KCNQ5: variants seen among roughly 807,000 people sequenced by gnomAD.
The protein encoded by KCNQ5 is potassium voltage-gated channel subfamily Q member 5.
Under a neutral mutation model 98.2 loss-of-function variants are expected in KCNQ5, and 30 were observed. The ratio of observed to expected loss-of-function variants is 0.31; its 90% CI spans 0.23 to 0.41. The LOEUF (loss-of-function observed/expected upper bound fraction) is 0.41. Among genes scored for constraint, KCNQ5 ranks in the 10% least tolerant of loss-of-function variants. The probability of loss-of-function intolerance (pLI) is 1.00; values close to 1 mark genes in which losing one functional copy is unlikely to be tolerated. For missense variants in KCNQ5, 835 were observed against 1,182.5 expected (o/e 0.71, Z 4.31); for synonymous variants, 458 against 449.4 (o/e 1.02, Z -0.24).
At chr6:72,987,289 T>G in intron 1 of KCNQ5, 1 of 692,710 alleles carries the variant, frequency 1.4e-6, no homozygotes, top group Non-Finnish European at 2.8e-6. Flanking sequence ...GACTTAGAGG[T>G]GGTGTTGGAA....
intron 1 of KCNQ5, among the ~76,000 whole-genome samples, chr6:72,808,893 A>G (rs1775087510): frequency 6.6e-6 from 1 of 152,058 alleles, no homozygotes; most frequent in South Asian, 2.1e-4. Flanking sequence ...ATTACTGGGT[A>G]TATACCCAAA....
chr6:72,760,003 A>T (rs1034584015), intron 1 of KCNQ5, among the ~76,000 whole-genome samples: 2 of 152,096 alleles, frequency 1.3e-5, no homozygotes, highest in Admixed American at 6.6e-5. Context: ...GGGTGAAGGG[A>T]CAAGGAGAAG....
At chr6:73,175,274 C>A (rs1305118061) in intron 11 of KCNQ5, among the ~76,000 whole-genome samples, 1 of 152,138 alleles carries the variant, frequency 6.6e-6, no homozygotes, top group Non-Finnish European at 1.5e-5. Context: ...CCTCCGCCTC[C>A]TGAGTAGCTG....
intron 2 of KCNQ5, among the ~76,000 whole-genome samples, chr6:73,040,139 T>A: frequency 6.6e-6 from 1 of 152,162 alleles, no homozygotes; most frequent in East Asian, 1.9e-4. Context: ...GACCTTGGCA[T>A]ACCTAAGAAC....
intron 1 of KCNQ5, among the ~76,000 whole-genome samples, chr6:72,725,796 A>G (rs1770232531): frequency 6.6e-6 from 1 of 152,196 alleles, no homozygotes; most frequent in Non-Finnish European, 1.5e-5. Context: ...AATATATATA[A>G]TTATTACTTG....
chr6:73,113,554 G>C (rs1300437271), intron 7 of KCNQ5, among the ~76,000 whole-genome samples: 2 of 152,234 alleles, frequency 1.3e-5, no homozygotes, highest in Non-Finnish European at 2.9e-5. Context: ...GTGTTCAATA[G>C]CTACAGGTGG....
At chr6:72,853,287 C>T (rs573610919) in intron 1 of KCNQ5, among the ~76,000 whole-genome samples, 9 of 152,176 alleles carry the variant, frequency 5.9e-5, no homozygotes, top group East Asian at 1.9e-4. Flanking sequence ...ATTCTAAGCC[C>T]TCTTTCTAAA....
intron 1 of KCNQ5, among the ~76,000 whole-genome samples, chr6:72,703,826 A>G (rs868226403): frequency 1.1e-4 from 17 of 152,226 alleles, no homozygotes; most frequent in African/African-American, 3.4e-4. Context: ...GGATGAAGAC[A>G]TTTGATATAT....
chr6:72,724,506 GGTAATTGCAGTGGTT>G (rs1293016748), intron 1 of KCNQ5, among the ~76,000 whole-genome samples: 2 of 152,144 alleles, frequency 1.3e-5, no homozygotes, highest in Non-Finnish European at 2.9e-5. Context: ...ACATAAAAGG[GGTAATTGCAGTGGTT>G]GTAAGCTCCC....
intron 10 of KCNQ5, among the ~76,000 whole-genome samples, chr6:73,164,591 A>G (rs559382082): frequency 4.6e-5 from 7 of 152,310 alleles, no homozygotes; most frequent in Admixed American, 4.6e-4. Flanking sequence ...AATGTCTTGT[A>G]ATCATCTGGG....
chr6:73,154,360 A>G (rs951450089), intron 10 of KCNQ5, among the ~76,000 whole-genome samples: 4 of 152,200 alleles, frequency 2.6e-5, no homozygotes, highest in Non-Finnish European at 5.9e-5. Flanking sequence ...CCAGCAATAT[A>G]AAGTATTGGG....
chr6:72,889,006 ATAAG>A (rs1369908868), intron 1 of KCNQ5, among the ~76,000 whole-genome samples: 3 of 152,136 alleles, frequency 2.0e-5, no homozygotes, highest in Non-Finnish European at 2.9e-5. Context: ...AACATTCCAC[ATAAG>A]TAAGTTATAT....
intron 1 of KCNQ5, among the ~76,000 whole-genome samples, chr6:72,817,478 C>T (rs1326460709): frequency 6.6e-6 from 1 of 152,186 alleles, no homozygotes; most frequent in African/African-American, 2.4e-5. Flanking sequence ...AGGAATACTA[C>T]TTCAGAAAAA....
intron 1 of KCNQ5, among the ~76,000 whole-genome samples, chr6:72,788,526 T>G (rs1432718315): frequency 2.0e-5 from 3 of 152,246 alleles, no homozygotes; most frequent in Non-Finnish European, 4.4e-5. Context: ...GCCTGAATTG[T>G]TTATAGTTAA....
intron 1 of KCNQ5, among the ~76,000 whole-genome samples, chr6:72,743,978 TCAGCTTATG>T (rs1771252262): frequency 6.6e-6 from 1 of 152,186 alleles, no homozygotes; most frequent in Admixed American, 6.5e-5. Context: ...CTACAGGAGC[TCAGCTTATG>T]ATCCCTTTGA....
At chr6:72,798,927 T>C (rs1382946102) in intron 1 of KCNQ5, among the ~76,000 whole-genome samples, 2 of 152,046 alleles carry the variant, frequency 1.3e-5, no homozygotes, top group Non-Finnish European at 2.9e-5. Context: ...TTTTTATGAA[T>C]GCATATATAT....
At chr6:72,648,791 A>T (rs9446725) in intron 1 of KCNQ5, among the ~76,000 whole-genome samples, 32,034 of 105,290 alleles carry the variant, frequency 0.3, 4,460 homozygotes, top group East Asian at 0.62. Context: ...TTTTTTTTTT[A>T]ATTCTCAGAG....
At chr6:72,724,046 T>C (rs1438145738) in intron 1 of KCNQ5, among the ~76,000 whole-genome samples, 1 of 152,192 alleles carries the variant, frequency 6.6e-6, no homozygotes, top group Non-Finnish European at 1.5e-5. Flanking sequence ...TCAGGCTTAT[T>C]TGTAAATCTG....
intron 1 of KCNQ5, among the ~76,000 whole-genome samples, chr6:72,657,532 G>C (rs1420653037): frequency 6.6e-6 from 1 of 152,138 alleles, no homozygotes; most frequent in Admixed American, 6.5e-5. Context: ...TACTTCTGAA[G>C]GTTTTGAAGT....
Sources: gnomAD v4.1 joint callset for allele counts (sites outside exome capture counted in the v4.1 genomes callset) on GRCh38, gnomAD v4.1.1 for gene constraint, MANE v1.5 for transcripts, NCBI Gene and HGNC (gene_info 2026-07-23, HGNC 2026-07-21) for gene names.